RAB6B: variants seen among roughly 807,000 people sequenced by gnomAD.
RAB6B encodes the protein RAB6B, member RAS oncogene family.
RAB6B carries 7 observed loss-of-function variants against 31.2 expected under a neutral mutation model. The observed-to-expected ratio is 0.22, with a 90% CI of 0.13 to 0.42. RAB6B has a LOEUF of 0.42. Among genes scored for constraint, RAB6B ranks in the 10% least tolerant of loss-of-function variants. The pLI is 1.00. For synonymous variants in RAB6B, 105 were observed against 104.9 expected, an observed-to-expected ratio of 1.00 and a Z score of -0.01; for missense variants, 149 against 280.6, an observed-to-expected ratio of 0.53 and a Z score of 3.35.
intron 1 of RAB6B, among the ~76,000 whole-genome samples, chr3:133,883,889 AG>A (rs1936502628): frequency 6.6e-6 from 1 of 152,148 alleles, no homozygotes; most frequent in African/African-American, 2.4e-5. Flanking sequence ...TGCCTGCCCC[AG>A]GGTTGGGGGA....
At chr3:133,852,558 C>T (rs898717675) in intron 2 of RAB6B, among the ~76,000 whole-genome samples, 2 of 151,358 alleles carry the variant, frequency 1.3e-5, no homozygotes, top group African/African-American at 4.9e-5. Context: ...GTAGCCTCGA[C>T]CTCCTTGGCA....
chr3:133,860,498 T>C (rs1256167481), intron 2 of RAB6B, among the ~76,000 whole-genome samples: 1 of 152,096 alleles, frequency 6.6e-6, no homozygotes, highest in African/African-American at 2.4e-5. Flanking sequence ...AGTAAGAAAA[T>C]AAACTTCTGT....
Position 133,841,677 on chromosome 3 carries a change from G to C in RAB6B, c.130-14C>G, listed in dbSNP as rs934071242. 1.2e-6 allele frequency: 2 copies of C among 1,613,612 alleles called. No individual in the cohort carries two copies. The highest frequency in any genetic ancestry group is 1.7e-6 in the Non-Finnish European group (2 of 1,179,830). On this transcript the variant is annotated splice_polypyrimidine_tract_variant and intron_variant, in intron 2 of 7. Transcript: ENST00000285208. ...CCCAATGGTTGCCTGTTAGAGAAAA[G>C]CACAGAACGGTCAAAATCAAAAGGT...
chr3:133,862,364 C>T (rs1264404829), intron 2 of RAB6B, among the ~76,000 whole-genome samples: 3 of 152,184 alleles, frequency 2.0e-5, no homozygotes, highest in Admixed American at 2.0e-4. Flanking sequence ...AGGGTCCTGG[C>T]CTCAGCCAAG....
At chr3:133,854,930 C>A (rs940686948) in intron 2 of RAB6B, among the ~76,000 whole-genome samples, 1 of 152,224 alleles carries the variant, frequency 6.6e-6, no homozygotes, top group African/African-American at 2.4e-5. Context: ...CAATGGAAAT[C>A]TGCATGGTAA....
rs373012669 is a variant in RAB6B at position 133,834,612 on chromosome 3, G to A, written c.525C>T (p.Pro175=). Residue 175 remains proline (P), a synonymous_variant, in exon 7 of 8, where the codon CCC becomes CCT. Transcript: ENST00000285208. ...QLFRRVASAL[P]GMENVQEKSK... ...TTTTCTCCTGGACATTCTCCATTCCGGGTAGAGCCGACGCCACACGTCGAA... is the reference window on the plus strand; with the variant it reads ...TTTTCTCCTGGACATTCTCCATTCCAGGTAGAGCCGACGCCACACGTCGAA... 2.3e-5 allele frequency: 37 copies of A among 1,613,970 alleles called. No individual in the cohort carries two copies. The highest frequency in any genetic ancestry group is 6.7e-5 in the Admixed American group (4 of 60,004).
rs79943276 is a variant in RAB6B, at chr3:133,888,069, A to T, written c.70+7328T>A. 9.0e-4 allele frequency among the ~76,000 whole-genome samples: 137 copies of T among 152,308 alleles called. 3 individuals carry two copies. The East Asian group carries it at 0.025, about 28-fold the overall frequency. On this transcript the variant is annotated intron_variant, in intron 1 of 7. Transcript: ENST00000285208. ...CACAAACACTCCCCACGAGTCATGC[A>T]CAGCAGACCTCGTGTCCAGAAGACC... is the stretch of plus-strand genomic sequence containing the variant.
At chr3:133,864,668 T>G (rs377291933) in intron 1 of RAB6B, 26 bp from the exon 2 acceptor site, 3 of 1,605,230 alleles carry the variant, frequency 1.9e-6, no homozygotes, top group Non-Finnish European at 2.6e-6. Flanking sequence ...GAGAGAGGTG[T>G]TCAGTCATGG....
At chr3:133,847,065 CT>C (rs759930543) in intron 2 of RAB6B, among the ~76,000 whole-genome samples, 15 of 152,368 alleles carry the variant, frequency 9.8e-5, no homozygotes, top group Non-Finnish European at 1.6e-4. Flanking sequence ...GCTACTTGTC[CT>C]TGATTGCGTC....
intron 1 of RAB6B, among the ~76,000 whole-genome samples, chr3:133,877,274 C>T (rs758610023): frequency 5.3e-5 from 8 of 152,196 alleles, no homozygotes; most frequent in Non-Finnish European, 1.0e-4. Context: ...AAAGGGTTTC[C>T]CTCAAGCCTT....
At chr3:133,853,685 A>G (rs945587034) in intron 2 of RAB6B, among the ~76,000 whole-genome samples, 2 of 152,148 alleles carry the variant, frequency 1.3e-5, no homozygotes, top group African/African-American at 4.8e-5. Context: ...GCCAACACCA[A>G]CACTGGATTG....
Position 133,838,154 on chromosome 3 carries a change from G to A in RAB6B, c.495+12C>T, listed in dbSNP as rs1559900627. 6.2e-7 allele frequency: 1 copy of A among 1,610,344 alleles called. No homozygotes were observed. Among genetic ancestry groups the A allele is most frequent in the Non-Finnish European group, 8.5e-7 (1 of 1,177,006 alleles). On this transcript the variant is annotated intron_variant, in intron 6 of 7. Coordinates refer to ENST00000285208, the MANE Select transcript of RAB6B (RefSeq NM_016577.4). ...GGCCCCGTGCCGGGCCCCGTGCCAGGTGTGTCCTCACCTGCTTCACGTTGT... is the reference window on the plus strand; with the variant it reads ...GGCCCCGTGCCGGGCCCCGTGCCAGATGTGTCCTCACCTGCTTCACGTTGT...
intron 1 of RAB6B, among the ~76,000 whole-genome samples, chr3:133,884,621 C>A (rs1396444080): frequency 1.3e-5 from 2 of 152,178 alleles, no homozygotes; most frequent in Non-Finnish European, 2.9e-5. Flanking sequence ...TCCAGTGAGA[C>A]AGGGAGGGAC....
intron 2 of RAB6B, among the ~76,000 whole-genome samples, chr3:133,858,234 T>C (rs910215172): frequency 3.9e-5 from 6 of 152,188 alleles, no homozygotes; most frequent in African/African-American, 1.4e-4. Context: ...CCAAGGAAAA[T>C]GTTTCCATTT....
rs192625663 is a variant in RAB6B, at chr3:133,862,245, G to A, written c.129+2339C>T. Among the ~76,000 whole-genome samples, 148 of 152,232 alleles carry A rather than the reference G, an allele frequency of 9.7e-4. 1 individual carries two copies. The highest frequency in any genetic ancestry group is 3.5e-3 in the African/African-American group (146 of 41,540). On this transcript the variant is annotated intron_variant, in intron 2 of 7. Transcript: ENST00000285208. ...TCTTGATCTGATGGGTCTAAAACCC[G>A]AGGCCAACTCTCCATGCTGTTTTTT...
At chr3:133,867,454 T>C (rs1936253799) in intron 1 of RAB6B, among the ~76,000 whole-genome samples, 1 of 152,142 alleles carries the variant, frequency 6.6e-6, no homozygotes, top group African/African-American at 2.4e-5. Context: ...ACTAATGTCA[T>C]CCACATTTCA....
At chr3:133,885,600 G>C (rs571920706) in intron 1 of RAB6B, 1 of 702,850 alleles carries the variant, frequency 1.4e-6, no homozygotes, top group Non-Finnish European at 2.6e-6. Flanking sequence ...GGAGGAGTCC[G>C]GAAGGGCTGC....
At position 133,827,217 on chromosome 3, in the gene RAB6B, C is replaced by G. The variant is rs988538265; in HGVS notation, c.*1571G>C. 1 of 152,238 alleles carries G rather than the reference C, an allele frequency of 6.6e-6. No individual in the cohort carries two copies. Among genetic ancestry groups the G allele is most frequent in the African/African-American group, 2.4e-5 (1 of 41,464 alleles). The allele number at this position is 152,238 out of a possible 1,614,324, so 9.4% of individuals were successfully genotyped here. A position where few individuals can be genotyped will look rare whatever the true frequency, so the allele number is the denominator to read the frequency against. ...TGAGAAGTTTCAAAATTCATTCCAA[C>G]GACCTTGTGGAGTTCAGCCCACCAT... On this transcript the variant is annotated 3_prime_UTR_variant, in exon 8 of 8. Transcript: ENST00000285208.
intron 1 of RAB6B, among the ~76,000 whole-genome samples, chr3:133,882,513 C>T (rs1302921869): frequency 3.9e-5 from 6 of 152,210 alleles, no homozygotes; most frequent in African/African-American, 1.4e-4. Flanking sequence ...GCCTTTTCTC[C>T]CACTGTGGTG....
Sources: gnomAD v4.1 joint callset for allele counts (sites outside exome capture counted in the v4.1 genomes callset) on GRCh38, gnomAD v4.1.1 for gene constraint, MANE v1.5 for transcripts, NCBI Gene and HGNC (gene_info 2026-07-23, HGNC 2026-07-21) for gene names.